The following CLPTM1 variants were observed in gnomAD, a reference collection of about 807,000 sequenced individuals.
CLPTM1 encodes the protein CLPTM1 regulator of GABA type A receptor forward trafficking.
A neutral mutation model predicts 77.3 loss-of-function variants in CLPTM1; 21 were observed. The observed-to-expected ratio is 0.27, with a 90% confidence interval of 0.19 to 0.39. The LOEUF (loss-of-function observed/expected upper bound fraction) is 0.39, where lower values mean the gene tolerates loss of function less well. CLPTM1 is among the 10% of genes least tolerant of loss of function. CLPTM1 has a pLI of 1.00. For synonymous variants in CLPTM1, 373 were observed against 381.0 expected, an observed-to-expected ratio of 0.98 and a Z score of 0.24; for missense variants, 642 against 921.2, an observed-to-expected ratio of 0.70 and a Z score of 3.92.
At chr19:44,975,094 C>T (rs2122286144) in intron 4 of CLPTM1, among the ~76,000 whole-genome samples, 1 of 152,284 alleles carries the variant, frequency 6.6e-6, no homozygotes, top group South Asian at 2.1e-4. Context: ...GGCCACATCG[C>T]ATGAGAGATT....
Position 44,964,298 on chromosome 19 carries a change from C to CTTTTTTTTTT in CLPTM1, c.185+2244_185+2253dup, listed in dbSNP as rs35539206. Among the ~76,000 whole-genome samples the CTTTTTTTTTT allele has an allele frequency of 9.6e-3, 655 of 68,176 alleles. 63 individuals are homozygous for CTTTTTTTTTT. Among genetic ancestry groups the CTTTTTTTTTT allele is most frequent in the Non-Finnish European group, 0.013 (487 of 37,734 alleles). 44.7% of individuals were successfully genotyped at this position (68,176 alleles called of 152,430 possible). ...TTTTAACCTATGTTTTCATTTTAAC[C>CTTTTTTTTTT]TTTTTTTTTTTTTTTTTTTTTTTTT... On this transcript the variant is annotated intron_variant, in intron 2 of 13. Coordinates refer to ENST00000337392, the MANE Select transcript of CLPTM1 (RefSeq NM_001294.4).
chr19:44,986,135 C>T (rs1402349028), intron 6 of CLPTM1, among the ~76,000 whole-genome samples: 3 of 151,976 alleles, frequency 2.0e-5, no homozygotes, highest in African/African-American at 2.4e-5. Context: ...ATCACTTGAG[C>T]CCGGAAGTTC....
In CLPTM1 at chr19:44,955,386, G is replaced by A. The variant is rs1387687893; in HGVS notation, c.-10G>A. 2.9e-5 allele frequency: 38 copies of A among 1,331,982 alleles called. No individual in the cohort carries two copies. The highest frequency in any genetic ancestry group is 3.5e-5 in the Non-Finnish European group (36 of 1,041,494). 82.5% of individuals were successfully genotyped at this position (1,331,982 alleles called of 1,614,324 possible). On this transcript the variant is annotated 5_prime_UTR_variant, in exon 1 of 14. Transcript: ENST00000337392. ...GGCTGGCGGCGGGGGCGGGGACCCGGAGCGGGAAGATGGCGGCGGCGCAGG... is the reference window on the plus strand; with the variant it reads ...GGCTGGCGGCGGGGGCGGGGACCCGAAGCGGGAAGATGGCGGCGGCGCAGG...
At chr19:44,981,130 C>T (rs997953352) in intron 5 of CLPTM1, among the ~76,000 whole-genome samples, 8 of 149,148 alleles carry the variant, frequency 5.4e-5, no homozygotes, top group Admixed American at 2.7e-4. Context: ...CATGAGCCAG[C>T]GCGCCTGGCC....
intron 1 of CLPTM1, among the ~76,000 whole-genome samples, chr19:44,960,757 T>G (rs1205867825): frequency 6.6e-6 from 1 of 152,188 alleles, no homozygotes; most frequent in Non-Finnish European, 1.5e-5. Context: ...TTGGGTGACC[T>G]GAGCGTCCGG....
upstream of CLPTM1, chr19:44,955,085 G>T (rs1482153354): frequency 6.5e-7 from 1 of 1,535,764 alleles, no homozygotes; most frequent in African/African-American, 1.4e-5. Flanking sequence ...TAACCGAAAA[G>T]GCGGGTTAAT....
At chr19:44,983,993 G>A (rs1970939987) in intron 5 of CLPTM1, among the ~76,000 whole-genome samples, 1 of 152,194 alleles carries the variant, frequency 6.6e-6, no homozygotes. Context: ...CCCAGGCCAG[G>A]GCAGAGGTTG....
chr19:44,980,070 G>A (rs1389548801), intron 5 of CLPTM1, among the ~76,000 whole-genome samples: 1 of 152,162 alleles, frequency 6.6e-6, no homozygotes, highest in African/African-American at 2.4e-5. Context: ...AATAGAACCT[G>A]CAGACAGTGA....
chr19:44,955,310 G>A, upstream of CLPTM1: 1 of 1,412,788 alleles, frequency 7.1e-7, no homozygotes, highest in Non-Finnish European at 9.2e-7. Flanking sequence ...GGCGGGGCTA[G>A]GAAAGCGTGA....
intron 5 of CLPTM1, among the ~76,000 whole-genome samples, chr19:44,980,048 T>C (rs1441454797): frequency 6.6e-6 from 1 of 152,140 alleles, no homozygotes; most frequent in Non-Finnish European, 1.5e-5. Context: ...TCACAGTCAG[T>C]CTGGTCTGTA....
chr19:44,966,997 G>A lies in CLPTM1; in HGVS notation c.185+4922G>A, dbSNP rs1014528048. On this transcript the variant is annotated intron_variant, in intron 2 of 13. Transcript: ENST00000337392. ...GCTGGGACTACAGGCGCCCGCCACA[G>A]CGCCCGGCTAATTTTTTGTATTTTT... is the stretch of plus-strand genomic sequence containing the variant. Among the ~76,000 whole-genome samples the A allele has an allele frequency of 1.6e-4, 25 of 152,080 alleles. No individual in the cohort carries two copies. In the East Asian group the frequency reaches 3.1e-3, roughly 19 times the overall value.
At chr19:44,955,357 GCGGGGCTGGCGGC>G, upstream of CLPTM1, 1 of 1,345,880 alleles carries the variant, frequency 7.4e-7, no homozygotes, top group Non-Finnish European at 9.5e-7. Context: ...CGGGGACGGG[GCGGGGCTGGCGGC>G]GGGGGCGGGG....
At chr19:44,980,998 C>T (rs982732285) in intron 5 of CLPTM1, among the ~76,000 whole-genome samples, 13 of 151,820 alleles carry the variant, frequency 8.6e-5, no homozygotes, top group Non-Finnish European at 1.5e-4. Flanking sequence ...CCACCACGCC[C>T]GGCTAATGGT....
chr19:44,988,426 A>G (rs1437913766), intron 9 of CLPTM1, among the ~76,000 whole-genome samples: 4 of 152,246 alleles, frequency 2.6e-5, no homozygotes, highest in Non-Finnish European at 5.9e-5. Context: ...CAATACTGCC[A>G]GGAAGCAGGG....
intron 5 of CLPTM1, among the ~76,000 whole-genome samples, chr19:44,982,683 C>T (rs867293120): frequency 6.6e-6 from 1 of 152,214 alleles, no homozygotes; most frequent in African/African-American, 2.4e-5. Context: ...GGGGCATGTC[C>T]CCCTGGAATT....
At chr19:44,982,954 G>A (rs1004869150) in intron 5 of CLPTM1, among the ~76,000 whole-genome samples, 3 of 152,010 alleles carry the variant, frequency 2.0e-5, no homozygotes, top group African/African-American at 4.8e-5. Context: ...CCGGCTACTC[G>A]GGAGGCTGAG....
intron 1 of CLPTM1, among the ~76,000 whole-genome samples, chr19:44,960,065 T>C (rs1462963008): frequency 6.6e-6 from 1 of 152,090 alleles, no homozygotes; most frequent in African/African-American, 2.4e-5. Flanking sequence ...CCCCTAAATT[T>C]CCCAATAGCT....
intron 2 of CLPTM1, among the ~76,000 whole-genome samples, chr19:44,969,805 C>T (rs574499131): frequency 1.8e-4 from 28 of 151,624 alleles, no homozygotes; most frequent in South Asian, 1.0e-3. Flanking sequence ...CTTTTGCCTC[C>T]GCCTACCAAG....
Position 44,977,415 on chromosome 19 carries a change from C to G in CLPTM1, c.541C>G (p.Gln181Glu), listed in dbSNP as rs1970822413. The change falls in exon 5 of 14, where the codon CAG (glutamine) becomes GAG (glutamate). Residue 181 changes from glutamine (Q) to glutamate (E), a missense_variant. Physicochemically the swap from Gln to Glu is conservative, Grantham distance 29 (BLOSUM62 2). Around this residue, in one of 2 missense-constraint regions of CLPTM1, gnomAD observed 521 missense variants for 800.4 expected, o/e 0.65. Transcript: ENST00000337392. ...TKSGFHPDPRQKALYRRLATV... is the reference protein window; with the variant it reads ...TKSGFHPDPREKALYRRLATV... ...GAGTGGCTTCCACCCAGACCCCCGG[C>G]AGAAGGCCCTGTACCGCCGGCTTGC... 6.2e-7 allele frequency: 1 copy of G among 1,609,632 alleles called. No homozygotes were observed. The highest frequency in any genetic ancestry group is 8.5e-7 in the Non-Finnish European group (1 of 1,179,980).
Sources: gnomAD v4.1 joint callset for allele counts (sites outside exome capture counted in the v4.1 genomes callset) on GRCh38, gnomAD v4.1.1 for gene constraint, gnomAD v4.1.1 regional missense constraint, MANE v1.5 for transcripts, NCBI Gene and HGNC (gene_info 2026-07-23, HGNC 2026-07-21) for gene names.